ARRB1: variants seen among roughly 807,000 people sequenced by gnomAD.
ARRB1 encodes the protein beta-arrestin-1.
Under a neutral mutation model 56.8 loss-of-function variants are expected in ARRB1, and 21 were observed. The observed-to-expected ratio is 0.37, with a 90% confidence interval of 0.26 to 0.53. The LOEUF is 0.53. ARRB1 is among the 20% of genes least tolerant of loss of function. The pLI, the probability that ARRB1 is intolerant of heterozygous loss-of-function variation, is 0.88. For missense variants in ARRB1, 424 were observed against 553.7 expected, an observed-to-expected ratio of 0.77 and a Z score of 2.35; for synonymous variants, 210 against 218.6, an observed-to-expected ratio of 0.96 and a Z score of 0.35.
chr11:75,300,245 C>T (rs1399382261), intron 1 of ARRB1, among the ~76,000 whole-genome samples: 1 of 151,190 alleles, frequency 6.6e-6, no homozygotes, highest in Non-Finnish European at 1.5e-5. Context: ...GAAAAGAAAG[C>T]TTATCCAGGT....
chr11:75,287,060 C>A lies in ARRB1; in HGVS notation c.112+255G>T, dbSNP rs531281434. Among the ~76,000 whole-genome samples the A allele has an allele frequency of 6.6e-5, 10 of 152,278 alleles. No individual in the cohort carries two copies. The East Asian group carries it at 1.7e-3, about 26-fold the overall frequency. On this transcript the variant is annotated intron_variant, in intron 3 of 15. Transcript: ENST00000420843. ...CCTTATAGTAAGTGGCGGTGTCTGTCGTCATCACCCTCACCCTTCTTACCA... is the reference window on the plus strand; with the variant it reads ...CCTTATAGTAAGTGGCGGTGTCTGTAGTCATCACCCTCACCCTTCTTACCA...
intron 13 of ARRB1, among the ~76,000 whole-genome samples, chr11:75,269,750 G>A (rs1041384328): frequency 2.6e-5 from 4 of 152,200 alleles, no homozygotes; most frequent in African/African-American, 9.6e-5. Flanking sequence ...GGGACATTGA[G>A]GCATGAGGAG....
intron 1 of ARRB1, among the ~76,000 whole-genome samples, chr11:75,340,959 C>T (rs921388369): frequency 6.6e-6 from 1 of 152,164 alleles, no homozygotes; most frequent in African/African-American, 2.4e-5. Flanking sequence ...CACTTCCCTT[C>T]CTGCCTTCCT....
rs892244060 is a variant in ARRB1 at position 75,273,055 on chromosome 11, G to C, written c.915-77C>G. 1.7e-5 allele frequency: 22 copies of C among 1,279,966 alleles called. No individual in the cohort carries two copies. In the Middle Eastern group the frequency reaches 5.5e-4, roughly 32 times the overall value. The allele number at this position is 1,279,966 out of a possible 1,614,324, so 79.3% of individuals were successfully genotyped here. A position where few individuals can be genotyped will look rare whatever the true frequency, so the allele number is the denominator to read the frequency against. On this transcript the variant is annotated intron_variant, in intron 11 of 15. Transcript: ENST00000420843. ...ACACCTCAGGGGTGGGTATGCTGGG[G>C]GGCAGTGGCCGTCCATCCCCCATCT...
At chr11:75,321,532 G>A (rs903551965) in intron 1 of ARRB1, among the ~76,000 whole-genome samples, 1 of 152,088 alleles carries the variant, frequency 6.6e-6, no homozygotes, top group African/African-American at 2.4e-5. Flanking sequence ...TTTCCTTACA[G>A]CCCTCATCTG....
intron 1 of ARRB1, among the ~76,000 whole-genome samples, chr11:75,329,999 T>A (rs1213086467): frequency 2.7e-5 from 4 of 150,904 alleles, no homozygotes; most frequent in Non-Finnish European, 5.9e-5. Flanking sequence ...AGACCCTGTC[T>A]CTAAAAAAAA....
At chr11:75,309,007 T>C (rs574793847) in intron 1 of ARRB1, among the ~76,000 whole-genome samples, 131 of 152,408 alleles carry the variant, frequency 8.6e-4, no homozygotes, top group African/African-American at 3.1e-3. Flanking sequence ...ATCCTCATTT[T>C]ACAGAATTGG....
chr11:75,318,061 G>A (rs2508623), intron 1 of ARRB1, among the ~76,000 whole-genome samples: 110,484 of 151,320 alleles, frequency 0.73, 40,438 homozygotes, highest in East Asian at 0.85. Flanking sequence ...CACTGGAAGG[G>A]CTTGTTAAAA....
At chr11:75,278,782 A>C (rs1441322635) in intron 7 of ARRB1, 38 bp from the exon 8 acceptor site, 1 of 1,571,926 alleles carries the variant, frequency 6.4e-7, no homozygotes, top group Non-Finnish European at 8.6e-7. Flanking sequence ...GACCAGGGTC[A>C]CCTGCCTTCA....
intron 1 of ARRB1, among the ~76,000 whole-genome samples, chr11:75,337,321 G>A (rs190182077): frequency 7.4e-4 from 113 of 152,272 alleles, no homozygotes; most frequent in Non-Finnish European, 1.2e-3. Context: ...AGCTATGATC[G>A]TGCCACTGCA....
intron 1 of ARRB1, among the ~76,000 whole-genome samples, chr11:75,311,647 C>T (rs149748844): frequency 2.6e-4 from 39 of 152,342 alleles, no homozygotes; most frequent in Non-Finnish European, 5.0e-4. Flanking sequence ...GCCTCTCCCA[C>T]GGCCCTCCAC....
chr11:75,327,475 A>G (rs1591979432), intron 1 of ARRB1, among the ~76,000 whole-genome samples: 1 of 151,896 alleles, frequency 6.6e-6, no homozygotes, highest in South Asian at 2.1e-4. Flanking sequence ...CAGAAAAAAT[A>G]ATTTATTGAG....
chr11:75,331,073 G>A (rs556825650), intron 1 of ARRB1, among the ~76,000 whole-genome samples: 33 of 152,342 alleles, frequency 2.2e-4, no homozygotes, highest in Middle Eastern at 3.4e-3. Flanking sequence ...GCCCAGTGGC[G>A]CGATCTCGGC....
At chr11:75,287,276 A>G in intron 3 of ARRB1, 39 bp downstream of exon 3, 4 of 1,538,996 alleles carry the variant, frequency 2.6e-6, no homozygotes, top group Non-Finnish European at 3.5e-6. Context: ...GGCCAGCCAC[A>G]TCTTCCCCCA....
chr11:75,294,714 G>A (rs544852418), intron 1 of ARRB1, among the ~76,000 whole-genome samples: 1 of 152,142 alleles, frequency 6.6e-6, no homozygotes, highest in Admixed American at 6.6e-5. Flanking sequence ...CCAAAATTCA[G>A]TTTCCTTCTA....
At chr11:75,351,423 G>A (rs1478238217) in intron 1 of ARRB1, among the ~76,000 whole-genome samples, 165 bp downstream of exon 1, 1 of 152,166 alleles carries the variant, frequency 6.6e-6, no homozygotes, top group Non-Finnish European at 1.5e-5. Context: ...CCCCGCCCAC[G>A]GCCCTGCCGG....
intron 1 of ARRB1, among the ~76,000 whole-genome samples, chr11:75,344,063 C>T (rs11604864): frequency 0.069 from 10,531 of 152,214 alleles, 478 homozygotes; most frequent in Non-Finnish European, 0.1. Context: ...GTGATCCACC[C>T]GCCTCGGCCT....
chr11:75,327,599 G>GGTTTT (rs55710203), intron 1 of ARRB1, among the ~76,000 whole-genome samples: 14 of 146,664 alleles, frequency 9.5e-5, no homozygotes, highest in South Asian at 4.3e-4. Flanking sequence ...TTTTGTTTTT[G>GGTTTT]TTTTTTTTTT....
intron 13 of ARRB1, among the ~76,000 whole-genome samples, chr11:75,270,239 G>A (rs1182623086): frequency 6.6e-6 from 1 of 152,246 alleles, no homozygotes; most frequent in Admixed American, 6.5e-5. Context: ...CTAGCACTTT[G>A]GGAGGCCAAG....
Sources: gnomAD v4.1 joint callset for allele counts (sites outside exome capture counted in the v4.1 genomes callset) on GRCh38, gnomAD v4.1.1 for gene constraint, MANE v1.5 for transcripts, NCBI Gene and HGNC (gene_info 2026-07-23, HGNC 2026-07-21) for gene names.